The following LYPD6B variants were observed in gnomAD, a reference collection of about 807,000 sequenced individuals.
The protein encoded by LYPD6B is ly6/PLAUR domain-containing protein 6B.
Under a neutral mutation model 22.8 loss-of-function variants are expected in LYPD6B, and 17 were observed. The observed-to-expected ratio is 0.75, with a 90% confidence interval of 0.51 to 1.12. The LOEUF (loss-of-function observed/expected upper bound fraction) is 1.12. Ranked by LOEUF, LYPD6B falls within the 50% of genes most tolerant of loss-of-function variation. The probability of loss-of-function intolerance (pLI) is 0.00; values close to 1 mark genes in which losing one functional copy is unlikely to be tolerated. For synonymous variants in LYPD6B, 106 were observed against 91.6 expected, an observed-to-expected ratio of 1.16 and a Z score of -0.90; for missense variants, 221 against 258.3, an observed-to-expected ratio of 0.86 and a Z score of 0.99.
chr2:149,123,929 G>C (rs538665837), intron 1 of LYPD6B, among the ~76,000 whole-genome samples: 2 of 152,302 alleles, frequency 1.3e-5, no homozygotes, highest in South Asian at 4.2e-4. Flanking sequence ...AAGAATTCGT[G>C]AAGTTTTGGA....
intron 1 of LYPD6B, among the ~76,000 whole-genome samples, chr2:149,061,571 T>A (rs1684083751): frequency 6.6e-6 from 1 of 152,062 alleles, no homozygotes; most frequent in African/African-American, 2.4e-5. Flanking sequence ...CCAGTTAGTA[T>A]TTATTGGTGT....
At chr2:149,195,124 T>A (rs1430947053) in intron 3 of LYPD6B, among the ~76,000 whole-genome samples, 1 of 152,228 alleles carries the variant, frequency 6.6e-6, no homozygotes, top group Non-Finnish European at 1.5e-5. Context: ...AAAGTCATTT[T>A]TTTAAAATTT....
At chr2:149,175,716 T>TG (rs1203797811) in intron 3 of LYPD6B, among the ~76,000 whole-genome samples, 2 of 111,512 alleles carry the variant, frequency 1.8e-5, no homozygotes, top group Admixed American at 9.4e-5. Flanking sequence ...TTTTAATTTT[T>TG]AATTTTTTTT....
intron 2 of LYPD6B, among the ~76,000 whole-genome samples, chr2:149,159,753 T>G (rs1396648797): frequency 2.0e-4 from 31 of 152,032 alleles, no homozygotes; most frequent in Admixed American, 2.0e-3. Context: ...GAAGAGTTAT[T>G]GTTGCAATCT....
chr2:149,185,795 A>G (rs1692058223), intron 3 of LYPD6B, among the ~76,000 whole-genome samples: 2 of 152,176 alleles, frequency 1.3e-5, no homozygotes, highest in Non-Finnish European at 2.9e-5. Flanking sequence ...ACATTTTGGT[A>G]CTTCTCACAA....
intron 3 of LYPD6B, among the ~76,000 whole-genome samples, chr2:149,190,979 A>G (rs1009951626): frequency 2.0e-5 from 3 of 152,168 alleles, no homozygotes; most frequent in African/African-American, 7.2e-5. Flanking sequence ...CCCTACTCCA[A>G]GAAAGTCACT....
chr2:149,044,817 G>A (rs1683237046), intron 1 of LYPD6B, among the ~76,000 whole-genome samples: 1 of 117,918 alleles, frequency 8.5e-6, no homozygotes, highest in Admixed American at 9.8e-5. Flanking sequence ...AAAATTATGG[G>A]TGGATTTTGA....
At chr2:149,145,125 A>T (rs1688937585) in intron 2 of LYPD6B, among the ~76,000 whole-genome samples, 1 of 152,152 alleles carries the variant, frequency 6.6e-6, no homozygotes, top group Non-Finnish European at 1.5e-5. Context: ...ACAGTTTTAA[A>T]TTAGGCTTCT....
chr2:149,059,048 C>T (rs1175854221), intron 1 of LYPD6B, among the ~76,000 whole-genome samples: 1 of 152,236 alleles, frequency 6.6e-6, no homozygotes, highest in Non-Finnish European at 1.5e-5. Flanking sequence ...CTGTTCAGCT[C>T]TCTGTAGGTA....
intron 2 of LYPD6B, 183 bp from the exon 3 acceptor site, chr2:149,160,581 C>T: frequency 1.5e-6 from 1 of 675,580 alleles, no homozygotes; most frequent in Non-Finnish European, 2.7e-6. Context: ...AATGGCCCCA[C>T]CTTGACTTGA....
chr2:149,054,021 G>A (rs1367338229), intron 1 of LYPD6B, among the ~76,000 whole-genome samples: 1 of 152,130 alleles, frequency 6.6e-6, no homozygotes, highest in Admixed American at 6.5e-5. Context: ...ACATTTGGGT[G>A]GTTTTCACTT....
chr2:149,205,209 T>C (rs903433168), intron 3 of LYPD6B, 44 bp from the exon 4 acceptor site: 3 of 1,564,262 alleles, frequency 1.9e-6, no homozygotes, highest in Non-Finnish European at 1.7e-6. Flanking sequence ...AACCCACTGA[T>C]GTAAAATATA....
intron 1 of LYPD6B, among the ~76,000 whole-genome samples, chr2:149,040,878 T>G (rs763518864): frequency 3.9e-5 from 6 of 152,190 alleles, no homozygotes; most frequent in Non-Finnish European, 7.3e-5. Context: ...ATTCATTCAT[T>G]CGACATATAA....
chr2:149,058,394 C>T (rs1683906544), intron 1 of LYPD6B, among the ~76,000 whole-genome samples: 1 of 152,212 alleles, frequency 6.6e-6, no homozygotes, highest in South Asian at 2.1e-4. Context: ...TTCTTACATT[C>T]AGTTGTCTAT....
chr2:149,074,720 C>A (rs1684801102), intron 1 of LYPD6B, among the ~76,000 whole-genome samples: 1 of 152,192 alleles, frequency 6.6e-6, no homozygotes. Context: ...TTCTCTGGGC[C>A]TACCACTTAC....
intron 1 of LYPD6B, among the ~76,000 whole-genome samples, chr2:149,129,695 T>C (rs34533610): frequency 0.43 from 65,164 of 152,076 alleles, 14,175 homozygotes; most frequent in East Asian, 0.54. Context: ...TATGCAGCAT[T>C]CCCAGCTGCT....
intron 3 of LYPD6B, among the ~76,000 whole-genome samples, chr2:149,176,395 A>G (rs1691310073): frequency 6.6e-6 from 1 of 152,238 alleles, no homozygotes; most frequent in African/African-American, 2.4e-5. Flanking sequence ...AAGAGAGCAG[A>G]CAACCACCTG....
At chr2:149,115,294 T>A (rs1227547958) in intron 1 of LYPD6B, among the ~76,000 whole-genome samples, 1 of 152,240 alleles carries the variant, frequency 6.6e-6, no homozygotes, top group African/African-American at 2.4e-5. Flanking sequence ...AAACTTTTGA[T>A]GCTTCAATTG....
At chr2:149,046,500 T>TTTG (rs1039295453) in intron 1 of LYPD6B, among the ~76,000 whole-genome samples, 4 of 151,968 alleles carry the variant, frequency 2.6e-5, no homozygotes, top group Non-Finnish European at 4.4e-5. Context: ...TTGAGCTTTT[T>TTTG]TTGTTGTTGT....
Sources: allele counts gnomAD v4.1 joint callset (sites outside exome capture counted in the v4.1 genomes callset), GRCh38; gene constraint gnomAD v4.1.1; transcripts MANE v1.5; gene names NCBI Gene and HGNC (gene_info 2026-07-23, HGNC 2026-07-21).